CNTNAP5: variants seen among roughly 807,000 people sequenced by gnomAD.
The protein encoded by CNTNAP5 is contactin-associated protein-like 5.
In CNTNAP5, 72 loss-of-function variants were observed where a neutral mutation model predicts 150.2. That is an observed-to-expected ratio of 0.48 (90% CI 0.40 to 0.58). The LOEUF (loss-of-function observed/expected upper bound fraction) is 0.58. Among genes scored for constraint, CNTNAP5 ranks in the 20% least tolerant of loss-of-function variants. CNTNAP5 has a pLI of 0.00. For missense variants in CNTNAP5, 1,636 were observed against 1,626.2 expected (o/e 1.01, Z -0.10); for synonymous variants, 672 against 619.8 (o/e 1.08, Z -1.25).
chr2:124,107,620 G>A (rs1322382597), intron 1 of CNTNAP5, among the ~76,000 whole-genome samples: 3 of 152,072 alleles, frequency 2.0e-5, no homozygotes, highest in Non-Finnish European at 4.4e-5. Context: ...CAAATTTTTT[G>A]TTACAGTATT....
intron 17 of CNTNAP5, among the ~76,000 whole-genome samples, chr2:124,787,645 A>G (rs951946285): frequency 6.8e-6 from 1 of 148,146 alleles, no homozygotes. Context: ...CCCCTGCCCC[A>G]TGTCCCCCTC....
chr2:124,424,234 G>A (rs1178274359), intron 4 of CNTNAP5, among the ~76,000 whole-genome samples: 1 of 152,012 alleles, frequency 6.6e-6, no homozygotes, highest in Non-Finnish European at 1.5e-5. Context: ...TCATCATCTG[G>A]GATCATTTGT....
At chr2:124,306,699 T>C (rs1688698025) in intron 3 of CNTNAP5, among the ~76,000 whole-genome samples, 1 of 150,942 alleles carries the variant, frequency 6.6e-6, no homozygotes, top group Non-Finnish European at 1.5e-5. Flanking sequence ...TTTGCAAACT[T>C]GGTTTCTCTC....
At chr2:124,126,253 A>G (rs924098679) in intron 1 of CNTNAP5, among the ~76,000 whole-genome samples, 1 of 152,242 alleles carries the variant, frequency 6.6e-6, no homozygotes, top group African/African-American at 2.4e-5. Flanking sequence ...GATCCCACAG[A>G]AGTACAAACT....
At position 124,919,655 on chromosome 2, in the gene CNTNAP5, AG is replaced by A. The variant is rs1181663813; in HGVS notation, c.*5370del. ...CATTTGGATCATTGTCTTACTCATT[AG>A]GGAAAGAGGCAATATCATGGGCTTT... is the stretch of plus-strand genomic sequence containing the variant. On this transcript the variant is annotated 3_prime_UTR_variant, in exon 24 of 24. Transcript: ENST00000682447. 2.0e-5 allele frequency among the ~76,000 whole-genome samples: 3 copies of A among 152,088 alleles called. No homozygotes were observed. The highest frequency in any genetic ancestry group is 7.2e-5 in the African/African-American group (3 of 41,442).
chr2:124,670,215 CTCTT>C (rs140009258), intron 13 of CNTNAP5, among the ~76,000 whole-genome samples: 44,110 of 140,348 alleles, frequency 0.31, 7,132 homozygotes, highest in Non-Finnish European at 0.35. Context: ...CCTTCTTTCC[CTCTT>C]TCTTTCTTTC....
chr2:124,715,619 C>T (rs12468686), intron 13 of CNTNAP5, among the ~76,000 whole-genome samples: 24,740 of 152,064 alleles, frequency 0.16, 2,282 homozygotes, highest in East Asian at 0.24. Flanking sequence ...CCCATTAACT[C>T]GTCATTTAAG....
chr2:124,503,981 G>A (rs936010149), intron 7 of CNTNAP5, among the ~76,000 whole-genome samples: 1 of 152,080 alleles, frequency 6.6e-6, no homozygotes, highest in Non-Finnish European at 1.5e-5. Flanking sequence ...ACTTGCCATA[G>A]GTATTTATAT....
intron 4 of CNTNAP5, among the ~76,000 whole-genome samples, chr2:124,430,184 G>A (rs17725619): frequency 0.075 from 11,403 of 152,158 alleles, 626 homozygotes; most frequent in Non-Finnish European, 0.12. Context: ...GCTGAGCATC[G>A]TGGTCCAAGT....
chr2:124,863,345 C>A (rs1341182142), intron 19 of CNTNAP5, among the ~76,000 whole-genome samples: 1 of 152,206 alleles, frequency 6.6e-6, no homozygotes, highest in Non-Finnish European at 1.5e-5. Context: ...AGGAGGGGTA[C>A]CTTGCCCGTG....
chr2:124,804,997 C>T (rs1254684263), intron 19 of CNTNAP5, among the ~76,000 whole-genome samples: 1 of 149,346 alleles, frequency 6.7e-6, no homozygotes, highest in Non-Finnish European at 1.5e-5. Context: ...ATTAATACTC[C>T]TCTTTGTATG....
At chr2:124,373,801 G>A (rs907506295) in intron 3 of CNTNAP5, among the ~76,000 whole-genome samples, 39 of 150,130 alleles carry the variant, frequency 2.6e-4, no homozygotes, top group Non-Finnish European at 2.9e-5. Flanking sequence ...TTACTTAAAA[G>A]GATACAATAT....
At chr2:124,306,977 C>T (rs748250516) in intron 3 of CNTNAP5, among the ~76,000 whole-genome samples, 2 of 152,020 alleles carry the variant, frequency 1.3e-5, no homozygotes, top group Non-Finnish European at 2.9e-5. Context: ...ATCCTCTTGC[C>T]TCAGCCTTCC....
intron 19 of CNTNAP5, among the ~76,000 whole-genome samples, chr2:124,819,876 T>G (rs975672339): frequency 6.6e-6 from 1 of 152,310 alleles, no homozygotes; most frequent in East Asian, 1.9e-4. Context: ...GTGTGTCTCT[T>G]TCTTAAAGTT....
intron 3 of CNTNAP5, among the ~76,000 whole-genome samples, chr2:124,334,913 A>C (rs1009252178): frequency 2.6e-5 from 4 of 152,088 alleles, no homozygotes; most frequent in Non-Finnish European, 4.4e-5. Flanking sequence ...ATTTATTCCA[A>C]CAGAGACTCA....
At chr2:124,593,400 C>A (rs1440358814) in intron 11 of CNTNAP5, among the ~76,000 whole-genome samples, 1 of 102,896 alleles carries the variant, frequency 9.7e-6, no homozygotes, top group East Asian at 3.4e-4. Flanking sequence ...GTTTTTTGTT[C>A]TTGCGATAGT....
chr2:124,064,794 C>T (rs1051035299), intron 1 of CNTNAP5, among the ~76,000 whole-genome samples: 1 of 152,044 alleles, frequency 6.6e-6, no homozygotes, highest in Non-Finnish European at 1.5e-5. Context: ...GTGTGTTCTC[C>T]CATGGGGTAA....
intron 16 of CNTNAP5, among the ~76,000 whole-genome samples, chr2:124,771,749 C>T (rs1337145414): frequency 6.6e-6 from 1 of 151,672 alleles, no homozygotes; most frequent in Non-Finnish European, 1.5e-5. Context: ...TTACCACCAT[C>T]ACCATTAACC....
chr2:124,851,428 G>A (rs1188307976), intron 19 of CNTNAP5, among the ~76,000 whole-genome samples: 1 of 152,164 alleles, frequency 6.6e-6, no homozygotes, highest in Non-Finnish European at 1.5e-5. Flanking sequence ...ATAGCAGAAG[G>A]AATCAAATTT....
Sources: gnomAD v4.1 joint callset for allele counts (sites outside exome capture counted in the v4.1 genomes callset) on GRCh38, gnomAD v4.1.1 for gene constraint, MANE v1.5 for transcripts, NCBI Gene and HGNC (gene_info 2026-07-23, HGNC 2026-07-21) for gene names.